Variants in CCAR1 observed in about 807,000 individuals in gnomAD.
CCAR1 encodes the protein cell division cycle and apoptosis regulator 1.
Under a neutral mutation model 163.8 loss-of-function variants are expected in CCAR1, and 78 were observed. The observed-to-expected ratio is 0.48, with a 90% CI of 0.40 to 0.57. The LOEUF is 0.57. Ranked by LOEUF, CCAR1 falls within the 20% of genes least tolerant of loss-of-function variation. The pLI is 0.00. For missense variants in CCAR1, 1,019 were observed against 1,365.2 expected (o/e 0.75, Z 4.00); for synonymous variants, 443 against 460.7 (o/e 0.96, Z 0.49).
Position 68,760,885 on chromosome 10 carries a change from A to C in CCAR1, c.1921-122A>C, listed in dbSNP as rs1271895983. The C allele has an allele frequency of 3.2e-4, 131 of 413,546 alleles. 3 individuals are homozygous for C. The highest frequency in any genetic ancestry group is 2.3e-3 in the Middle Eastern group (5 of 2,196). The allele number at this position is 413,546 out of a possible 1,614,324, so 25.6% of individuals were successfully genotyped here. ...TTTCAAAAAAAACAAAAAACAAAAA[A>C]AAAAAAAACACACAAAATATAATTG... On this transcript the variant is annotated intron_variant, in intron 15 of 24. Transcript: ENST00000265872.
intron 15 of CCAR1, 24 bp from the exon 16 acceptor site, chr10:68,760,983 T>C: frequency 1.0e-6 from 1 of 971,402 alleles, no homozygotes. Context: ...TTTTTTTCCG[T>C]GTTTTTCTGC....
chr10:68,785,013 G>A (rs2056780283), intron 19 of CCAR1, among the ~76,000 whole-genome samples: 1 of 150,342 alleles, frequency 6.7e-6, no homozygotes, highest in South Asian at 2.1e-4. Flanking sequence ...CGCCTCCTGG[G>A]TTCACGCCAT....
At chr10:68,740,418 A>G (rs868265246) in intron 4 of CCAR1, among the ~76,000 whole-genome samples, 1 of 152,140 alleles carries the variant, frequency 6.6e-6, no homozygotes, top group African/African-American at 2.4e-5. Flanking sequence ...TGTCTGCAAT[A>G]CTGTCACTTT....
intron 2 of CCAR1, among the ~76,000 whole-genome samples, chr10:68,732,717 A>C (rs1589154948): frequency 6.6e-6 from 1 of 151,936 alleles, no homozygotes; most frequent in Non-Finnish European, 1.5e-5. Context: ...ACAGCTATGG[A>C]TTTATCTTCC....
intron 10 of CCAR1, among the ~76,000 whole-genome samples, chr10:68,752,738 C>T (rs567133632): frequency 1.3e-5 from 2 of 152,194 alleles, no homozygotes; most frequent in African/African-American, 4.8e-5. Flanking sequence ...TGTGGTAGTG[C>T]ACCCGTAGTC....
chr10:68,726,210 G>A (rs1454791742), intron 2 of CCAR1, among the ~76,000 whole-genome samples: 1 of 149,672 alleles, frequency 6.7e-6, no homozygotes, highest in African/African-American at 2.5e-5. Context: ...GGAGTGCAGT[G>A]GCATGATCTT....
chr10:68,777,907 C>T (rs1166649304), intron 19 of CCAR1, among the ~76,000 whole-genome samples: 3 of 151,426 alleles, frequency 2.0e-5, no homozygotes, highest in African/African-American at 4.9e-5. Context: ...ACTCCAGCCT[C>T]GACAATAAAG....
intron 10 of CCAR1, among the ~76,000 whole-genome samples, chr10:68,753,523 A>G (rs2056361940): frequency 6.6e-6 from 1 of 152,226 alleles, no homozygotes. Flanking sequence ...ATAATTTTCA[A>G]GTAATCCACA....
chr10:68,788,405 T>C (rs2133439668), intron 23 of CCAR1, 77 bp downstream of exon 23: 1 of 982,846 alleles, frequency 1.0e-6, no homozygotes, highest in Non-Finnish European at 1.4e-6. Flanking sequence ...TGTACATACA[T>C]ATATACGTAC....
At position 68,756,296 on chromosome 10, in the gene CCAR1, A is replaced by G. The variant is rs1379675804; in HGVS notation, c.1649A>G (p.Tyr550Cys). 6.2e-7 allele frequency: 1 copy of G among 1,613,908 alleles called. No homozygotes were observed. The highest frequency in any genetic ancestry group is 8.5e-7 in the Non-Finnish European group (1 of 1,179,960). ...AGGTACCGTTTTGCAGAGATTCGCT[A>G]CCATCGCCCTGAGGAGACCCACAAG... ...TQWYRFAEIR[Y>C]HRPEETHKGR... The change falls in exon 14 of 25, where the codon TAC becomes TGC. Residue 550 changes from tyrosine to cysteine, a missense_variant. Tyr to Cys is a radical substitution (Grantham distance 194). Around this residue, in one of 4 missense-constraint regions of CCAR1, gnomAD observed 644 missense variants for 904.4 expected, o/e 0.71. Transcript: ENST00000265872. This position sits in a 1 kb window ranked among gnomAD's most constrained non-coding sequence, Gnocchi z 5.1.
At chr10:68,784,148 C>T (rs1455711653) in intron 19 of CCAR1, among the ~76,000 whole-genome samples, 1 of 152,120 alleles carries the variant, frequency 6.6e-6, no homozygotes, top group Non-Finnish European at 1.5e-5. Context: ...GTTGAAATAA[C>T]AAAGGATTTA....
At chr10:68,764,663 C>T (rs1207610820) in intron 16 of CCAR1, among the ~76,000 whole-genome samples, 1 of 152,180 alleles carries the variant, frequency 6.6e-6, no homozygotes, top group Non-Finnish European at 1.5e-5. Flanking sequence ...TTTCCCACGG[C>T]CACTTCTATT....
At chr10:68,786,983 G>A (rs1334007257) in intron 21 of CCAR1, 1 of 226,254 alleles carries the variant, frequency 4.4e-6, no homozygotes, top group Non-Finnish European at 8.6e-6. Context: ...TACTCGGGAA[G>A]CTGAGACAGG....
chr10:68,721,269 G>C lies in CCAR1; in HGVS notation c.-64G>C, dbSNP rs2055850490. ...GTTTGAAATGGCTTCGATGTTAGCC[G>C]GGACCCGACTCAGGTGAAGGTCTGG... On this transcript the variant is annotated 5_prime_UTR_variant, in exon 1 of 25. Transcript: ENST00000265872. The C allele has an allele frequency of 5.6e-6, 1 of 177,860 alleles. No homozygotes were observed. Among genetic ancestry groups the C allele is most frequent in the Non-Finnish European group, 1.2e-5 (1 of 81,366 alleles). The allele number at this position is 177,860 out of a possible 1,614,324, so 11.0% of individuals were successfully genotyped here.
At chr10:68,748,485 C>CTTTT (rs768641201) in intron 8 of CCAR1, among the ~76,000 whole-genome samples, 16 of 117,814 alleles carry the variant, frequency 1.4e-4, no homozygotes, top group East Asian at 2.4e-4. Flanking sequence ...GTGACATGTT[C>CTTTT]TTTTTTTTTT....
intron 10 of CCAR1, among the ~76,000 whole-genome samples, chr10:68,752,655 G>A (rs1019696026): frequency 6.6e-5 from 10 of 152,156 alleles, no homozygotes; most frequent in African/African-American, 2.2e-4. Flanking sequence ...AGGATCACTT[G>A]AGGCCAGGAG....
chr10:68,722,719 C>G, intron 2 of CCAR1, 142 bp downstream of exon 2: 1 of 611,670 alleles, frequency 1.6e-6, no homozygotes, highest in Non-Finnish European at 2.9e-6. Flanking sequence ...GTCAGGAGTT[C>G]GTAACCAGCC....
At chr10:68,777,115 T>C (rs935402241) in intron 19 of CCAR1, among the ~76,000 whole-genome samples, 9 of 152,114 alleles carry the variant, frequency 5.9e-5, no homozygotes, top group African/African-American at 1.7e-4. Flanking sequence ...CTACTTCCGA[T>C]CTATCAGGAA....
intron 2 of CCAR1, among the ~76,000 whole-genome samples, chr10:68,725,497 A>AT (rs914745832): frequency 0.02 from 2,974 of 148,250 alleles, 43 homozygotes; most frequent in Non-Finnish European, 0.029. Context: ...TTTAGGAAGA[A>AT]TTTTTTTTTT....
Sources: allele counts gnomAD v4.1 joint callset (sites outside exome capture counted in the v4.1 genomes callset), GRCh38; gene constraint gnomAD v4.1.1; regional missense constraint gnomAD v4.1.1; non-coding constraint Gnocchi (gnomAD v3.1); transcripts MANE v1.5; gene names NCBI Gene and HGNC (gene_info 2026-07-23, HGNC 2026-07-21).